The following HCN1 variants were observed in gnomAD, a reference collection of about 807,000 sequenced individuals.
HCN1 encodes hyperpolarization activated cyclic nucleotide gated potassium channel 1.
In HCN1, 13 loss-of-function variants were observed where a neutral mutation model predicts 78.9. The observed-to-expected ratio is 0.16, with a 90% CI of 0.11 to 0.26. The LOEUF is 0.26. Among genes scored for constraint, HCN1 ranks in the 10% least tolerant of loss-of-function variants. The pLI, the probability that HCN1 is intolerant of heterozygous loss-of-function variation, is 1.00. For missense variants in HCN1, 810 were observed against 1,154.3 expected, an observed-to-expected ratio of 0.70 and a Z score of 4.32; for synonymous variants, 552 against 455.5, an observed-to-expected ratio of 1.21 and a Z score of -2.70.
intron 3 of HCN1, among the ~76,000 whole-genome samples, chr5:45,457,605 G>A (rs187802505): frequency 6.6e-6 from 1 of 152,142 alleles, no homozygotes; most frequent in African/African-American, 2.4e-5. Context: ...TCCGCTTTCC[G>A]TTGTTACAAC....
chr5:45,354,109 G>A (rs1022806558), intron 4 of HCN1, among the ~76,000 whole-genome samples: 12 of 151,766 alleles, frequency 7.9e-5, no homozygotes, highest in Admixed American at 4.6e-4. Context: ...AGTCAAACAG[G>A]ACCATATAAG....
At chr5:45,506,630 T>C (rs1362323365) in intron 2 of HCN1, among the ~76,000 whole-genome samples, 1 of 152,100 alleles carries the variant, frequency 6.6e-6, no homozygotes, top group African/African-American at 2.4e-5. Flanking sequence ...ACCACTCGGA[T>C]GTATTTCTTA....
At chr5:45,374,083 TAC>T in intron 4 of HCN1, among the ~76,000 whole-genome samples, 1 of 46,264 alleles carries the variant, frequency 2.2e-5, no homozygotes, top group South Asian at 4.3e-4. Context: ...TAATATCTAT[TAC>T]ATATATGTAT....
chr5:45,696,213 CGCGGCGGCGGCGGCG>C lies in HCN1; in HGVS notation c.-135_-121del. The C allele has an allele frequency of 2.5e-6, 1 of 407,230 alleles. No homozygotes were observed. The highest frequency in any genetic ancestry group is 3.4e-6 in the Non-Finnish European group (1 of 291,502). 25.2% of individuals were successfully genotyped at this position (407,230 alleles called of 1,614,324 possible). ...GCTGCCGGCGAGCCCAGCTGCCCGT[CGCGGCGGCGGCGGCG>C]GCGGCGGCGGCTGCTGCTTCCCGAC... On this transcript the variant is annotated 5_prime_UTR_variant, in exon 1 of 8. Transcript: ENST00000303230.
At chr5:45,593,219 C>G (rs970815862) in intron 2 of HCN1, among the ~76,000 whole-genome samples, 3 of 145,082 alleles carry the variant, frequency 2.1e-5, no homozygotes, top group African/African-American at 7.6e-5. Context: ...CGCGCACACA[C>G]ACACACACAC....
chr5:45,597,407 T>C (rs1353336669), intron 2 of HCN1, among the ~76,000 whole-genome samples: 1 of 152,162 alleles, frequency 6.6e-6, no homozygotes, highest in Non-Finnish European at 1.5e-5. Flanking sequence ...TAGGTATTGA[T>C]AGAACATATC....
intron 4 of HCN1, among the ~76,000 whole-genome samples, chr5:45,374,229 A>T (rs1460069981): frequency 2.5e-3 from 296 of 119,254 alleles, no homozygotes; most frequent in Non-Finnish European, 4.1e-3. Flanking sequence ...TACATTATAT[A>T]CATAACATAT....
chr5:45,347,177 G>A lies in HCN1; in HGVS notation c.1377+5923C>T, dbSNP rs539182702. 8.5e-5 allele frequency among the ~76,000 whole-genome samples: 13 copies of A among 152,314 alleles called. No homozygotes were observed. In the East Asian group the frequency reaches 2.1e-3, roughly 25 times the overall value. On this transcript the variant is annotated intron_variant, in intron 5 of 7. Coordinates refer to ENST00000303230, the MANE Select transcript of HCN1 (RefSeq NM_021072.4). ...ACTTCTCTGACACAAAAACTCCAGAGGAACGATCAGACAGCAGAATTTGTG... is the reference window on the plus strand; with the variant it reads ...ACTTCTCTGACACAAAAACTCCAGAAGAACGATCAGACAGCAGAATTTGTG...
chr5:45,311,830 G>C (rs927030045), intron 5 of HCN1, among the ~76,000 whole-genome samples: 4 of 152,190 alleles, frequency 2.6e-5, no homozygotes, highest in African/African-American at 9.6e-5. Flanking sequence ...GGTCGCCTTG[G>C]AACCTGGAGG....
chr5:45,512,943 C>T (rs1021205913), intron 2 of HCN1, among the ~76,000 whole-genome samples: 2 of 152,054 alleles, frequency 1.3e-5, no homozygotes, highest in African/African-American at 2.4e-5. Flanking sequence ...CGCCCATTTA[C>T]TAAGTTCCAA....
In HCN1 at chr5:45,262,039, G is replaced by C. The variant is rs201368368; in HGVS notation, c.2555C>G (p.Pro852Arg). The C allele has an allele frequency of 5.0e-6, 8 of 1,613,904 alleles. No individual in the cohort carries two copies. Among genetic ancestry groups the C allele is most frequent in the African/African-American group, 1.3e-5 (1 of 75,026 alleles). The change falls in exon 8 of 8, where the codon CCG (proline) becomes CGG (arginine). Residue 852 changes from proline (P) to arginine (R), a missense_variant. Around this residue, in one of 6 missense-constraint regions of HCN1, gnomAD observed 398 missense variants for 381.3 expected, o/e 1.04. Transcript: ENST00000303230. ...GGGTGCTGGAGGGACTCCTCGGTTC[G>C]GGGGGATGGCTCCCGACGACATCTG... ...FRQMSSGAIP[P>R]NRGVPPAPPP...
intron 3 of HCN1, among the ~76,000 whole-genome samples, chr5:45,434,688 G>T (rs1405776238): frequency 2.0e-5 from 3 of 152,152 alleles, no homozygotes; most frequent in Non-Finnish European, 4.4e-5. Context: ...GCACATAGAG[G>T]ATTATATTGG....
intron 7 of HCN1, among the ~76,000 whole-genome samples, chr5:45,266,247 G>A (rs551720253): frequency 6.6e-6 from 1 of 152,092 alleles, no homozygotes; most frequent in South Asian, 2.1e-4. Context: ...TTTAAAATAT[G>A]TTGATGTTTG....
chr5:45,423,071 T>C (rs1180970918), intron 3 of HCN1, among the ~76,000 whole-genome samples: 1 of 152,158 alleles, frequency 6.6e-6, no homozygotes, highest in Non-Finnish European at 1.5e-5. Context: ...AACACAAAGA[T>C]AAATGCATGA....
intron 2 of HCN1, among the ~76,000 whole-genome samples, chr5:45,607,578 A>ATT (rs149674437): frequency 0.076 from 10,725 of 141,228 alleles, 560 homozygotes; most frequent in Middle Eastern, 0.16. Context: ...TCACAATATC[A>ATT]TTATATATAT....
chr5:45,546,933 T>G (rs778891289), intron 2 of HCN1, among the ~76,000 whole-genome samples: 8 of 151,916 alleles, frequency 5.3e-5, no homozygotes, highest in South Asian at 2.1e-4. Context: ...TTCAAATGTA[T>G]GTTTTCAGTC....
chr5:45,438,507 C>T (rs764479294), intron 3 of HCN1, among the ~76,000 whole-genome samples: 2 of 151,132 alleles, frequency 1.3e-5, no homozygotes, highest in African/African-American at 2.4e-5. Flanking sequence ...AGGAGAATGG[C>T]GTGAACCTGG....
chr5:45,574,411 C>T (rs1409961932), intron 2 of HCN1, among the ~76,000 whole-genome samples: 1 of 152,000 alleles, frequency 6.6e-6, no homozygotes, highest in African/African-American at 2.4e-5. Context: ...GTGCCATGAA[C>T]CATGCCATGT....
intron 2 of HCN1, among the ~76,000 whole-genome samples, chr5:45,484,609 G>A (rs2111683414): frequency 6.6e-6 from 1 of 152,074 alleles, no homozygotes; most frequent in South Asian, 2.1e-4. Context: ...TAATAAACTT[G>A]ATGCCTCCAC....
Sources: allele counts gnomAD v4.1 joint callset (sites outside exome capture counted in the v4.1 genomes callset), GRCh38; gene constraint gnomAD v4.1.1; regional missense constraint gnomAD v4.1.1; transcripts MANE v1.5; gene names NCBI Gene and HGNC (gene_info 2026-07-23, HGNC 2026-07-21).